Variants in TMEM196 observed in about 807,000 individuals in gnomAD.
TMEM196 encodes transmembrane protein 196.
A neutral mutation model predicts 20.0 loss-of-function variants in TMEM196; 17 were observed. The ratio of observed to expected loss-of-function variants is 0.85; its 90% CI spans 0.58 to 1.27. The LOEUF (loss-of-function observed/expected upper bound fraction) is 1.27, where lower values mean the gene tolerates loss of function less well. Ranked by LOEUF, TMEM196 falls within the 50% of genes most tolerant of loss-of-function variation. TMEM196 has a pLI of 0.00. For missense variants in TMEM196, 267 were observed against 223.0 expected, an observed-to-expected ratio of 1.20 and a Z score of -1.26; for synonymous variants, 113 against 88.9, an observed-to-expected ratio of 1.27 and a Z score of -1.52.
At chr7:19,772,478 C>T (rs1323506378) in intron 1 of TMEM196, 72 bp downstream of exon 1, 4 of 1,394,846 alleles carry the variant, frequency 2.9e-6, no homozygotes, top group Non-Finnish European at 3.8e-6. Flanking sequence ...CTAATGCGCG[C>T]ACCCTGACCA....
At chr7:19,750,685 T>C (rs1333877391) in intron 1 of TMEM196, among the ~76,000 whole-genome samples, 2 of 152,180 alleles carry the variant, frequency 1.3e-5, no homozygotes, top group African/African-American at 4.8e-5. Context: ...ACAAGTACCA[T>C]TCATTATGCA....
At chr7:19,726,450 G>C (rs1273060624) in intron 2 of TMEM196, among the ~76,000 whole-genome samples, 2 of 151,788 alleles carry the variant, frequency 1.3e-5, no homozygotes, top group Non-Finnish European at 2.9e-5. Flanking sequence ...AGTACTTTAG[G>C]GACTCCTATG....
At chr7:19,737,549 A>G (rs1784452655) in intron 1 of TMEM196, among the ~76,000 whole-genome samples, 1 of 152,032 alleles carries the variant, frequency 6.6e-6, no homozygotes, top group African/African-American at 2.4e-5. Context: ...ACTGTGGTAT[A>G]TTCATACAAT....
chr7:19,727,991 G>T (rs1784059240), intron 2 of TMEM196, among the ~76,000 whole-genome samples: 1 of 152,004 alleles, frequency 6.6e-6, no homozygotes, highest in Non-Finnish European at 1.5e-5. Context: ...ACCTTAGAAA[G>T]TACACAGGAT....
chr7:19,747,080 C>T (rs932966763), intron 1 of TMEM196, among the ~76,000 whole-genome samples: 2 of 151,448 alleles, frequency 1.3e-5, no homozygotes, highest in African/African-American at 4.9e-5. Flanking sequence ...ACGGTGAAAC[C>T]CCGTCTCTAC....
chr7:19,759,841 A>AT (rs1027860887), intron 1 of TMEM196, among the ~76,000 whole-genome samples: 9 of 152,216 alleles, frequency 5.9e-5, no homozygotes, highest in African/African-American at 1.9e-4. Flanking sequence ...CTGTGCTTCT[A>AT]TTTTTTACCA....
intron 2 of TMEM196, among the ~76,000 whole-genome samples, chr7:19,727,805 CAT>C (rs975449156): frequency 1.3e-5 from 2 of 152,126 alleles, no homozygotes; most frequent in African/African-American, 4.8e-5. Flanking sequence ...ACCTCATTAA[CAT>C]GTGTTAACAA....
chr7:19,739,619 T>C (rs894078764), intron 1 of TMEM196, among the ~76,000 whole-genome samples: 1 of 152,040 alleles, frequency 6.6e-6, no homozygotes, highest in Non-Finnish European at 1.5e-5. Flanking sequence ...AAAAGACTAA[T>C]TTCCCTAATG....
At chr7:19,733,654 CTT>C (rs35191382) in intron 1 of TMEM196, among the ~76,000 whole-genome samples, 17 of 136,496 alleles carry the variant, frequency 1.2e-4, no homozygotes, top group African/African-American at 3.1e-4. Context: ...GTAGAAGATC[CTT>C]TTTTAAAAAA....
chr7:19,739,036 T>C (rs1020694189), intron 1 of TMEM196, among the ~76,000 whole-genome samples: 2 of 152,158 alleles, frequency 1.3e-5, no homozygotes, highest in Non-Finnish European at 2.9e-5. Context: ...ATCATGTTGA[T>C]GGTACATATC....
At chr7:19,766,942 A>C (rs905871567) in intron 1 of TMEM196, among the ~76,000 whole-genome samples, 1 of 152,142 alleles carries the variant, frequency 6.6e-6, no homozygotes, top group Non-Finnish European at 1.5e-5. Context: ...TATTTTAGGC[A>C]AAAATGTCCA....
At chr7:19,737,155 G>A (rs943039051) in intron 1 of TMEM196, among the ~76,000 whole-genome samples, 4 of 151,894 alleles carry the variant, frequency 2.6e-5, no homozygotes, top group Admixed American at 6.6e-5. Flanking sequence ...ATGGGTGAAA[G>A]ATCTGAACAG....
intron 1 of TMEM196, among the ~76,000 whole-genome samples, chr7:19,760,352 C>CT (rs55646735): frequency 0.02 from 1,852 of 92,152 alleles, 242 homozygotes; most frequent in African/African-American, 0.03. Flanking sequence ...ATATATTTTC[C>CT]TTTTTTTTTT....
At position 19,772,935 on chromosome 7, in the gene TMEM196, T is replaced by C. The variant is rs951361020; in HGVS notation, c.-239A>G. ...CGTTCAGATAGGGATCGTAGAAGGA[T>C]CTTCCTGGGTTCGGTGGTGCGAAGA... On this transcript the variant is annotated 5_prime_UTR_variant, in exon 1 of 5. Transcript: ENST00000405844. 2 of 367,290 alleles carry C rather than the reference T, an allele frequency of 5.4e-6. No homozygotes were observed. Among genetic ancestry groups the C allele is most frequent in the Admixed American group, 4.7e-5 (1 of 21,482 alleles). The allele number at this position is 367,290 out of a possible 1,614,324, so 22.8% of individuals were successfully genotyped here. A position where few individuals can be genotyped will look rare whatever the true frequency, so the allele number is the denominator to read the frequency against.
At chr7:19,759,206 C>T (rs1785332646) in intron 1 of TMEM196, among the ~76,000 whole-genome samples, 1 of 152,152 alleles carries the variant, frequency 6.6e-6, no homozygotes. Flanking sequence ...TTGGCCTGGC[C>T]TATGTTCCCA....
rs144018392 is a variant in TMEM196, at chr7:19,769,318, GTATTAT to G, written c.147+3226_147+3231del. 1.9e-3 allele frequency among the ~76,000 whole-genome samples: 290 copies of G among 151,562 alleles called. 1 individual carries two copies. The highest frequency in any genetic ancestry group is 6.8e-3 in the Middle Eastern group (2 of 294). On this transcript the variant is annotated intron_variant, in intron 1 of 4. Transcript: ENST00000405844. ...CTTTGGGAAGGGGAAGTAAGAATGG[GTATTAT>G]TATTATTATTATTCAAAATATGAGA...
chr7:19,724,152 C>T (rs1469902738), intron 4 of TMEM196, 128 bp downstream of exon 4: 7 of 832,174 alleles, frequency 8.4e-6, no homozygotes, highest in African/African-American at 3.4e-5. Flanking sequence ...CTTACGAAAG[C>T]GATACTTTGA....
At chr7:19,767,214 C>T (rs1324851573) in intron 1 of TMEM196, among the ~76,000 whole-genome samples, 2 of 152,042 alleles carry the variant, frequency 1.3e-5, no homozygotes, top group African/African-American at 2.4e-5. Flanking sequence ...ACAAAACTCA[C>T]CAAATTTTCT....
At chr7:19,765,090 AC>A (rs910438211) in intron 1 of TMEM196, among the ~76,000 whole-genome samples, 1 of 151,756 alleles carries the variant, frequency 6.6e-6, no homozygotes, top group Non-Finnish European at 1.5e-5. Flanking sequence ...TTTATAAAAT[AC>A]CACATTTTTC....
Sources: gnomAD v4.1 joint callset for allele counts (sites outside exome capture counted in the v4.1 genomes callset) on GRCh38, gnomAD v4.1.1 for gene constraint, MANE v1.5 for transcripts, NCBI Gene and HGNC (gene_info 2026-07-23, HGNC 2026-07-21) for gene names.